FAM228A: variants seen among roughly 807,000 people sequenced by gnomAD.
FAM228A encodes protein FAM228A.
Under a neutral mutation model 18.6 loss-of-function variants are expected in FAM228A, and 13 were observed. The ratio of observed to expected loss-of-function variants is 0.70; its 90% CI spans 0.45 to 1.11. The LOEUF is 1.11. Among genes scored for constraint, FAM228A ranks in the 50% least tolerant of loss-of-function variants. The pLI is 0.00. For missense variants in FAM228A, 240 were observed against 242.2 expected, an observed-to-expected ratio of 0.99 and a Z score of 0.06; for synonymous variants, 77 against 86.6, an observed-to-expected ratio of 0.89 and a Z score of 0.61.
intron 3 of FAM228A, chr2:24,179,351 A>G (rs141928456): frequency 1.3e-3 from 440 of 327,700 alleles, no homozygotes; most frequent in Non-Finnish European, 1.8e-3. Flanking sequence ...TGGTCTAACA[A>G]TTTCACTGGT....
intron 3 of FAM228A, among the ~76,000 whole-genome samples, chr2:24,182,152 G>A (rs1475386380): frequency 6.6e-6 from 1 of 152,196 alleles, no homozygotes; most frequent in Non-Finnish European, 1.5e-5. Context: ...TGAGTCTTCA[G>A]ATTTTTAAAC....
Position 24,190,685 on chromosome 2 carries a change from G to A in FAM228A, c.*54G>A. The A allele has an allele frequency of 6.7e-7, 1 of 1,490,404 alleles. No individual in the cohort carries two copies. Among genetic ancestry groups the A allele is most frequent in the Middle Eastern group, 2.5e-4 (1 of 3,956 alleles). The allele number at this position is 1,490,404 out of a possible 1,614,324, so 92.3% of individuals were successfully genotyped here. A position where few individuals can be genotyped will look rare whatever the true frequency, so the allele number is the denominator to read the frequency against. ...AGGCACCCAAGGGCGGAGGAGGCAT[G>A]GCCCAAGAAGAAGGGTGTGAAGAGG... On this transcript the variant is annotated 3_prime_UTR_variant, in exon 6 of 6. Coordinates refer to ENST00000295150, the MANE Select transcript of FAM228A (RefSeq NM_001040710.3).
At chr2:24,179,026 A>T (rs1667755866) in intron 3 of FAM228A, 1 of 500,490 alleles carries the variant, frequency 2.0e-6, no homozygotes, top group Non-Finnish European at 2.8e-6. Context: ...TAGAGAGAAC[A>T]AATTTTTTTT....
At position 24,183,581 on chromosome 2, in the gene FAM228A, T is replaced by A. The variant is rs143590376; in HGVS notation, c.337T>A (p.Cys113Ser). The change falls in exon 5 of 6, where the codon TGT becomes AGT. Residue 113 changes from cysteine to serine, a missense_variant. Coordinates refer to ENST00000295150, the MANE Select transcript of FAM228A (RefSeq NM_001040710.3). Reference sequence around the variant, plus strand: ...GCCCTACTTCACTTTCACTTCACACTGTGTGATTCCAAAAGAGTGGCATAA... The same window carrying A: ...GCCCTACTTCACTTTCACTTCACACAGTGTGATTCCAAAAGAGTGGCATAA... Reference protein sequence around the residue: ...SSPYFTFTSHCVIPKEWHKAS... With the variant: ...SSPYFTFTSHSVIPKEWHKAS... The A allele has an allele frequency of 6.2e-7, 1 of 1,614,040 alleles. No individual in the cohort carries two copies. Among genetic ancestry groups the A allele is most frequent in the African/African-American group, 1.3e-5 (1 of 75,060 alleles).
At chr2:24,181,303 T>C (rs1424925141) in intron 3 of FAM228A, among the ~76,000 whole-genome samples, 2 of 152,246 alleles carry the variant, frequency 1.3e-5, no homozygotes, top group Non-Finnish European at 2.9e-5. Flanking sequence ...TAGTGATTTT[T>C]CCCTTAAGTA....
In FAM228A at chr2:24,183,388, T is replaced by C. The variant is rs200632287; in HGVS notation, c.250+16T>C. On this transcript the variant is annotated intron_variant, in intron 4 of 5. Transcript: ENST00000295150. Reference sequence around the variant, plus strand: ...TGTGAGACAGGTGCTTTGTGATCACTGGGCCTCATTTTTTTGAGACTGCTA... The same window carrying C: ...TGTGAGACAGGTGCTTTGTGATCACCGGGCCTCATTTTTTTGAGACTGCTA... The C allele has an allele frequency of 1.2e-5, 20 of 1,611,766 alleles. No homozygotes were observed. Among genetic ancestry groups the C allele is most frequent in the Admixed American group, 5.0e-5 (3 of 60,010 alleles).
chr2:24,186,353 T>C (rs185079791), intron 5 of FAM228A, among the ~76,000 whole-genome samples: 2 of 152,328 alleles, frequency 1.3e-5, no homozygotes, highest in East Asian at 3.9e-4. Flanking sequence ...CCATTCCTTA[T>C]ACCTTTTATT....
In FAM228A at chr2:24,178,114, A is replaced by G. The variant is rs537571684; in HGVS notation, c.162+244A>G. On this transcript the variant is annotated intron_variant, in intron 3 of 5. Coordinates refer to ENST00000295150, the MANE Select transcript of FAM228A (RefSeq NM_001040710.3). The stretch of plus-strand genomic sequence containing the variant: ...TGAAGGGATCTGAGAAGTTGTTCCA[A>G]TTGCTCCTTCTCTTCGTCCTGGTAC... Among the ~76,000 whole-genome samples the G allele has an allele frequency of 2.0e-5, 3 of 152,292 alleles. No individual in the cohort carries two copies. The East Asian group carries it at 5.8e-4, about 29-fold the overall frequency.
intron 5 of FAM228A, among the ~76,000 whole-genome samples, chr2:24,184,603 T>TTGTTTCCATA (rs1223944616): frequency 6.6e-6 from 1 of 152,186 alleles, no homozygotes; most frequent in Non-Finnish European, 1.5e-5. Context: ...GACATTTGGG[T>TTGTTTCCATA]TGTTTCCATA....
intron 3 of FAM228A, chr2:24,179,234 T>TCAG: frequency 1.1e-6 from 1 of 912,804 alleles, no homozygotes; most frequent in Non-Finnish European, 1.4e-6. Context: ...AAAAGTAATT[T>TCAG]CATATAAAGA....
intron 3 of FAM228A, among the ~76,000 whole-genome samples, chr2:24,179,632 A>G (rs1415621820): frequency 6.6e-6 from 1 of 152,168 alleles, no homozygotes; most frequent in Admixed American, 6.5e-5. Flanking sequence ...CTGTTCTGCT[A>G]TCCTTAGTAT....
chr2:24,176,716 G>C (rs532700027), intron 2 of FAM228A, among the ~76,000 whole-genome samples: 1 of 152,148 alleles, frequency 6.6e-6, no homozygotes, highest in African/African-American at 2.4e-5. Context: ...TGAGTTTGGG[G>C]TTTAGTTTGT....
chr2:24,177,564 G>T (rs563714934), intron 2 of FAM228A, among the ~76,000 whole-genome samples: 29 of 148,622 alleles, frequency 2.0e-4, no homozygotes, highest in African/African-American at 7.0e-4. Context: ...TAGTCTGGGT[G>T]GGGGGGTGCT....
At position 24,191,289 on chromosome 2, in the gene FAM228A, TCCCA is replaced by T; in HGVS notation, c.*662_*665del. On this transcript the variant is annotated 3_prime_UTR_variant, in exon 6 of 6. Coordinates refer to ENST00000295150, the MANE Select transcript of FAM228A (RefSeq NM_001040710.3). Reference sequence around the variant, plus strand: ...TCAGCTCAGGACCTGACAGCGTCACTCCCACCCTCACCACCACACACACAGGATG... The same window carrying T: ...TCAGCTCAGGACCTGACAGCGTCACTCCCTCACCACCACACACACAGGATG... The T allele has an allele frequency of 1.0e-6, 1 of 985,606 alleles. No individual in the cohort carries two copies. The highest frequency in any genetic ancestry group is 1.2e-6 in the Non-Finnish European group (1 of 830,122). The allele number at this position is 985,606 out of a possible 1,614,324, so 61.1% of individuals were successfully genotyped here. A position where few individuals can be genotyped will look rare whatever the true frequency, so the allele number is the denominator to read the frequency against.
chr2:24,186,852 TCTCAAA>T (rs1326132822), intron 5 of FAM228A, among the ~76,000 whole-genome samples: 1 of 152,166 alleles, frequency 6.6e-6, no homozygotes, highest in Admixed American at 6.5e-5. Flanking sequence ...GTCAGGCTGG[TCTCAAA>T]CTCCTGACCT....
At position 24,191,157 on chromosome 2, in the gene FAM228A, G is replaced by T; in HGVS notation, c.*526G>T. 2 of 985,600 alleles carry T rather than the reference G, an allele frequency of 2.0e-6. No homozygotes were observed. The highest frequency in any genetic ancestry group is 2.4e-6 in the Non-Finnish European group (2 of 830,082). The allele number at this position is 985,600 out of a possible 1,614,324, so 61.1% of individuals were successfully genotyped here. On this transcript the variant is annotated 3_prime_UTR_variant, in exon 6 of 6. Transcript: ENST00000295150. ...CATGGTTCATTTGACACAGTTTTCA[G>T]CTCCTGGTCTATTTCCCCTTCCATT...
intron 2 of FAM228A, chr2:24,175,962 C>A (rs1322551694): frequency 4.9e-6 from 5 of 1,023,508 alleles, no homozygotes; most frequent in Non-Finnish European, 5.9e-6. Context: ...AATTTCCTTT[C>A]TTTTTCCCCT....
intron 2 of FAM228A, 138 bp downstream of exon 2, chr2:24,175,711 C>A: frequency 1.3e-6 from 1 of 771,778 alleles, no homozygotes; most frequent in Non-Finnish European, 2.1e-6. Context: ...GGGGAATGTT[C>A]GGGCTCAGAT....
In FAM228A at chr2:24,191,333, C is replaced by T. The variant is rs972149266; in HGVS notation, c.*702C>T. 1.7e-5 allele frequency: 17 copies of T among 985,562 alleles called. No homozygotes were observed. The African/African-American group carries it at 2.8e-4, about 16-fold the overall frequency. 61.1% of individuals were successfully genotyped at this position (985,562 alleles called of 1,614,324 possible). On this transcript the variant is annotated 3_prime_UTR_variant, in exon 6 of 6. Coordinates refer to ENST00000295150, the MANE Select transcript of FAM228A (RefSeq NM_001040710.3). ...CACACAGGATGGGGGACTGCTGCTG[C>T]TTTCCAGCCTGTGAGCCTGGATAGG...
Sources: gnomAD v4.1 joint callset for allele counts (sites outside exome capture counted in the v4.1 genomes callset) on GRCh38, gnomAD v4.1.1 for gene constraint, MANE v1.5 for transcripts, NCBI Gene and HGNC (gene_info 2026-07-23, HGNC 2026-07-21) for gene names.